Variants in PHF14 observed in about 807,000 individuals in gnomAD.
The protein encoded by PHF14 is PHD finger protein 14.
In PHF14, 55 loss-of-function variants were observed where a neutral mutation model predicts 117.9. The ratio of observed to expected loss-of-function variants is 0.47; its 90% CI spans 0.38 to 0.58. The LOEUF (loss-of-function observed/expected upper bound fraction) is 0.58. Ranked by LOEUF, PHF14 falls within the 20% of genes least tolerant of loss-of-function variation. The probability of loss-of-function intolerance (pLI) is 0.00; values close to 1 mark genes in which losing one functional copy is unlikely to be tolerated. For missense variants in PHF14, 978 were observed against 1,122.2 expected (o/e 0.87, Z 1.84); for synonymous variants, 409 against 368.6 (o/e 1.11, Z -1.26).
intron 17 of PHF14, among the ~76,000 whole-genome samples, chr7:11,112,654 C>T (rs974331865): frequency 1.3e-5 from 2 of 151,820 alleles, no homozygotes; most frequent in Non-Finnish European, 2.9e-5. Flanking sequence ...GCCTCTAATC[C>T]CAGCTACTTG....
chr7:11,037,911 T>C (rs911028406), intron 10 of PHF14, among the ~76,000 whole-genome samples: 24 of 152,152 alleles, frequency 1.6e-4, no homozygotes, highest in Admixed American at 5.9e-4. Context: ...GTTTTTTTCA[T>C]TGGGAAAATA....
intron 16 of PHF14, among the ~76,000 whole-genome samples, chr7:11,068,610 G>A (rs1483827902): frequency 6.6e-6 from 1 of 152,088 alleles, no homozygotes; most frequent in Non-Finnish European, 1.5e-5. Flanking sequence ...ATGGATGGTG[G>A]GGATGGTTGC....
intron 3 of PHF14, among the ~76,000 whole-genome samples, chr7:10,989,637 C>A (rs907861766): frequency 3.9e-5 from 6 of 152,018 alleles, no homozygotes; most frequent in Non-Finnish European, 7.4e-5. Context: ...TCTTCCTATA[C>A]TTTTTCTTTT....
At chr7:10,993,208 C>G (rs1782522233) in intron 4 of PHF14, among the ~76,000 whole-genome samples, 1 of 151,966 alleles carries the variant, frequency 6.6e-6, no homozygotes, top group South Asian at 2.1e-4. Context: ...TTTTTTCTTA[C>G]CAATTAATTA....
chr7:11,100,942 A>G (rs1245542895), intron 16 of PHF14, among the ~76,000 whole-genome samples: 4 of 151,950 alleles, frequency 2.6e-5, no homozygotes, highest in Admixed American at 2.0e-4. Flanking sequence ...TACAGAATAT[A>G]TTGATAGTTA....
chr7:11,062,564 T>C (rs1402809464), intron 16 of PHF14: 1 of 316,878 alleles, frequency 3.2e-6, no homozygotes, highest in African/African-American at 2.2e-5. Context: ...TAAATGCTTC[T>C]CCCTTACGAA....
At chr7:11,128,632 C>T (rs1032637677) in intron 17 of PHF14, among the ~76,000 whole-genome samples, 5 of 151,744 alleles carry the variant, frequency 3.3e-5, no homozygotes, top group African/African-American at 1.2e-4. Context: ...TTATCCCTGA[C>T]ATTCAAGGCC....
At position 11,061,780 on chromosome 7, in the gene PHF14, T is replaced by A; in HGVS notation, c.2482-11T>A. 1 of 1,495,324 alleles carries A rather than the reference T, an allele frequency of 6.7e-7. No homozygotes were observed. The highest frequency in any genetic ancestry group is 8.9e-7 in the Non-Finnish European group (1 of 1,126,966). 92.6% of individuals were successfully genotyped at this position (1,495,324 alleles called of 1,614,324 possible). A position where few individuals can be genotyped will look rare whatever the true frequency, so the allele number is the denominator to read the frequency against. ...TTTTTGTTTTTTGTTTTTTTTTTTG[T>A]TTTTTTCCAGAGAACCAGAGGACGA... On this transcript the variant is annotated splice_polypyrimidine_tract_variant and intron_variant, in intron 14 of 17. Coordinates refer to ENST00000634607, the MANE Select transcript of PHF14 (RefSeq NM_001007157.2).
At chr7:10,977,857 G>A (rs1168966774) in intron 2 of PHF14, among the ~76,000 whole-genome samples, 2 of 152,204 alleles carry the variant, frequency 1.3e-5, no homozygotes, top group African/African-American at 2.4e-5. Context: ...TAGTTAAAGT[G>A]TTGATATTTG....
intron 16 of PHF14, among the ~76,000 whole-genome samples, chr7:11,081,639 G>T (rs546844525): frequency 1.3e-5 from 2 of 149,636 alleles, no homozygotes; most frequent in African/African-American, 4.9e-5. Flanking sequence ...GGCGGATCAT[G>T]AAGTCAGGAG....
intron 17 of PHF14, among the ~76,000 whole-genome samples, chr7:11,126,609 T>A (rs1445705218): frequency 1.3e-5 from 2 of 152,030 alleles, no homozygotes; most frequent in Non-Finnish European, 2.9e-5. Context: ...GTCTACTCCT[T>A]CCTTTCTCCT....
chr7:10,992,516 A>G (rs1782497647), intron 4 of PHF14, among the ~76,000 whole-genome samples: 2 of 151,782 alleles, frequency 1.3e-5, no homozygotes, highest in Admixed American at 6.6e-5. Context: ...TACAAAAATT[A>G]GCCGGGCGTG....
chr7:10,985,638 G>GTTT (rs61250143), intron 3 of PHF14, among the ~76,000 whole-genome samples: 1,177 of 46,048 alleles, frequency 0.026, 285 homozygotes, highest in East Asian at 0.061. Context: ...TTCTCAAACT[G>GTTT]TTTTTTTTTT....
chr7:11,009,487 A>C (rs1385223940), intron 4 of PHF14, among the ~76,000 whole-genome samples: 4 of 149,288 alleles, frequency 2.7e-5, no homozygotes, highest in Non-Finnish European at 4.4e-5. Flanking sequence ...CACTGAGCAC[A>C]TATGAGTTTT....
chr7:11,020,483 G>A (rs1783698040), intron 5 of PHF14, among the ~76,000 whole-genome samples: 1 of 152,028 alleles, frequency 6.6e-6, no homozygotes, highest in South Asian at 2.1e-4. Context: ...GGCTCAAGCA[G>A]TCCTCCTACC....
At chr7:11,129,376 C>G (rs375720530) in intron 17 of PHF14, among the ~76,000 whole-genome samples, 1 of 152,080 alleles carries the variant, frequency 6.6e-6, no homozygotes, top group South Asian at 2.1e-4. Flanking sequence ...TTATGTAGTT[C>G]ACTCAGCATT....
At chr7:11,071,364 T>C (rs1428177065) in intron 16 of PHF14, 2 of 464,694 alleles carry the variant, frequency 4.3e-6, no homozygotes. Context: ...TTATGTAGAC[T>C]ATGATTATTT....
intron 4 of PHF14, among the ~76,000 whole-genome samples, chr7:10,992,505 A>G (rs1782497170): frequency 6.6e-6 from 1 of 151,738 alleles, no homozygotes; most frequent in South Asian, 2.1e-4. Flanking sequence ...TCTACTAAAA[A>G]TACAAAAATT....
intron 13 of PHF14, among the ~76,000 whole-genome samples, chr7:11,045,624 T>C (rs540562381): frequency 6.6e-6 from 1 of 152,238 alleles, no homozygotes; most frequent in East Asian, 1.9e-4. Context: ...GTTCTAGATT[T>C]GGATGCTTTC....
Sources: allele counts gnomAD v4.1 joint callset (sites outside exome capture counted in the v4.1 genomes callset), GRCh38; gene constraint gnomAD v4.1.1; transcripts MANE v1.5; gene names NCBI Gene and HGNC (gene_info 2026-07-23, HGNC 2026-07-21).